The following RPE variants were observed in gnomAD, a reference collection of about 807,000 sequenced individuals.
RPE encodes ribulose-phosphate 3-epimerase.
RPE carries 16 observed loss-of-function variants against 24.6 expected under a neutral mutation model. The ratio of observed to expected loss-of-function variants is 0.65; its 90% CI spans 0.44 to 0.99. The LOEUF (loss-of-function observed/expected upper bound fraction) is 0.99, where lower values mean the gene tolerates loss of function less well. RPE is among the 50% of genes least tolerant of loss of function. The pLI, the probability that RPE is intolerant of heterozygous loss-of-function variation, is 0.00. For synonymous variants in RPE, 93 were observed against 98.4 expected (o/e 0.94, Z 0.33); for missense variants, 240 against 294.5 (o/e 0.81, Z 1.35).
intron 2 of RPE, among the ~76,000 whole-genome samples, chr2:210,013,106 T>G (rs1381686322): frequency 1.3e-5 from 2 of 152,328 alleles, no homozygotes; most frequent in East Asian, 3.9e-4. Flanking sequence ...GTATATTAAA[T>G]GCAGTTAGAG....
At chr2:210,011,033 G>A (rs373579211) in intron 2 of RPE, among the ~76,000 whole-genome samples, 176 of 152,232 alleles carry the variant, frequency 1.2e-3, no homozygotes, top group African/African-American at 3.9e-3. Flanking sequence ...GCAGCTATGG[G>A]ACATTTCCAA....
chr2:210,007,739 C>T (rs2093648987), intron 1 of RPE, among the ~76,000 whole-genome samples: 2 of 152,110 alleles, frequency 1.3e-5, no homozygotes, highest in Admixed American at 6.5e-5. Context: ...TATGTTTTAT[C>T]TATAATCACG....
At chr2:210,018,616 CA>C in intron 5 of RPE, 1 of 985,110 alleles carries the variant, frequency 1.0e-6, no homozygotes, top group Non-Finnish European at 1.2e-6. Context: ...AGGGGCTGGC[CA>C]GATGATGAGT....
At chr2:210,003,348 G>A in intron 1 of RPE, 1 of 690,638 alleles carries the variant, frequency 1.4e-6, no homozygotes, top group Non-Finnish European at 2.2e-6. Flanking sequence ...TACATGAGAA[G>A]TTTACAGTGC....
intron 5 of RPE, chr2:210,018,161 A>G: frequency 6.5e-7 from 1 of 1,534,416 alleles, no homozygotes; most frequent in Non-Finnish European, 8.7e-7. Flanking sequence ...AGCCCTTTGG[A>G]AGATCATTAA....
Position 210,002,793 on chromosome 2 carries a change from C to G in RPE, c.122+10C>G. On this transcript the variant is annotated intron_variant, in intron 1 of 5. Transcript: ENST00000359429. The stretch of plus-strand genomic sequence containing the variant: ...TGGACGTAATGGACGGGTAACTCCT[C>G]CGGGCTCCGGTCGGGCTTGCCGCGC... The G allele has an allele frequency of 1.2e-6, 2 of 1,614,172 alleles. No individual in the cohort carries two copies. The highest frequency in any genetic ancestry group is 2.2e-5 in the East Asian group (1 of 44,866).
chr2:210,017,079 A>G (rs1022071266), intron 4 of RPE, among the ~76,000 whole-genome samples: 19 of 152,160 alleles, frequency 1.2e-4, no homozygotes, highest in African/African-American at 4.3e-4. Context: ...CCTGGGCTTA[A>G]GCTGTCCTCC....
chr2:210,016,698 C>T lies in RPE; in HGVS notation c.477+57C>T. On this transcript the variant is annotated intron_variant, in intron 4 of 5. Coordinates refer to ENST00000359429, the MANE Select transcript of RPE (RefSeq NM_199229.3). The stretch of plus-strand genomic sequence containing the variant: ...TTTTACAGTGTGTTCATTCAGTAAG[C>T]ATTTATTGAAAGGCTTGTATATTTA... The T allele has an allele frequency of 2.5e-6, 4 of 1,608,484 alleles. No individual in the cohort carries two copies. In the South Asian group the frequency reaches 4.4e-5, roughly 18 times the overall value.
chr2:210,018,804 A>T, intron 5 of RPE: 4 of 505,432 alleles, frequency 7.9e-6, no homozygotes, highest in Non-Finnish European at 1.0e-5. Context: ...CGTTCCAATA[A>T]TGGAACACTA....
At chr2:210,005,893 C>T (rs1333326921) in intron 1 of RPE, among the ~76,000 whole-genome samples, 1 of 152,174 alleles carries the variant, frequency 6.6e-6, no homozygotes, top group East Asian at 1.9e-4. Context: ...CTCCTCTTAC[C>T]ATCTTTGCCT....
chr2:210,018,340 A>C, intron 5 of RPE: 1 of 1,419,888 alleles, frequency 7.0e-7, no homozygotes, highest in East Asian at 2.7e-5. Flanking sequence ...TTTTTGATGA[A>C]AATCTAGGCC....
chr2:210,006,122 A>T (rs1347496881), intron 1 of RPE, among the ~76,000 whole-genome samples: 1 of 152,222 alleles, frequency 6.6e-6, no homozygotes, highest in Non-Finnish European at 1.5e-5. Context: ...AAATAACTTA[A>T]AGGAAAAAGA....
chr2:210,017,529 A>C lies in RPE; in HGVS notation c.534A>C (p.Val178=). 1.2e-6 allele frequency: 2 copies of C among 1,612,138 alleles called. No homozygotes were observed. Among genetic ancestry groups the C allele is most frequent in the South Asian group, 1.1e-5 (1 of 91,024 alleles). ...TGGATATAGAGGTCGATGGTGGAGT[A>C]GGTCCTGACACTGTCCATAAATGTG... is the stretch of plus-strand genomic sequence containing the variant. ...PSLDIEVDGG[V]GPDTVHKCAE... The change falls in exon 5 of 6, where the codon GTA becomes GTC. Residue 178 remains valine (V), a synonymous_variant. Transcript: ENST00000359429.
At chr2:210,018,137 A>G in intron 5 of RPE, 1 of 1,520,088 alleles carries the variant, frequency 6.6e-7, no homozygotes, top group Non-Finnish European at 8.8e-7. Flanking sequence ...TTATAAAAGA[A>G]TATGTTGAAT....
At chr2:210,005,224 T>G (rs539912740) in intron 1 of RPE, among the ~76,000 whole-genome samples, 2 of 152,020 alleles carry the variant, frequency 1.3e-5, no homozygotes, top group African/African-American at 4.8e-5. Context: ...CAATGTCCCT[T>G]CCCTCCCAGG....
At chr2:210,006,596 G>T (rs2093634131) in intron 1 of RPE, among the ~76,000 whole-genome samples, 1 of 152,110 alleles carries the variant, frequency 6.6e-6, no homozygotes. Flanking sequence ...TCGGGAGGTG[G>T]TTATTATACT....
intron 1 of RPE, 52 bp downstream of exon 1, chr2:210,002,835 G>T: frequency 6.2e-7 from 1 of 1,613,816 alleles, no homozygotes; most frequent in African/African-American, 1.3e-5. Flanking sequence ...GCGGATCAGT[G>T]CACCTTTATT....
In RPE at chr2:210,016,558, G is replaced by A; in HGVS notation, c.394G>A (p.Ala132Thr). The A allele has an allele frequency of 6.2e-7, 1 of 1,614,264 alleles. No homozygotes were observed. The highest frequency in any genetic ancestry group is 1.1e-5 in the South Asian group (1 of 91,092). Residue 132 changes from alanine (A) to threonine (T), a missense_variant, in exon 4 of 6, where the codon GCT becomes ACT. Transcript: ENST00000359429. ...GTSVEYLAPW[A>T]NQIDMALVMT... is the part of the protein sequence containing the mutation. ...CTCAGTTGAGTATTTGGCACCATGG[G>A]CTAATCAGATAGATATGGCCTTGGT...
At chr2:210,016,287 C>A (rs368097639) in intron 3 of RPE, 175 bp downstream of exon 3, 3 of 1,610,806 alleles carry the variant, frequency 1.9e-6, no homozygotes, top group Non-Finnish European at 2.5e-6. Context: ...AGCAGCTGTT[C>A]TTCAGCTATG....
Sources: allele counts gnomAD v4.1 joint callset (sites outside exome capture counted in the v4.1 genomes callset), GRCh38; gene constraint gnomAD v4.1.1; transcripts MANE v1.5; gene names NCBI Gene and HGNC (gene_info 2026-07-23, HGNC 2026-07-21).